FRMD4A: variants seen among roughly 807,000 people sequenced by gnomAD.
FRMD4A encodes FERM domain-containing protein 4A.
Under a neutral mutation model 129.1 loss-of-function variants are expected in FRMD4A, and 29 were observed. The observed-to-expected ratio is 0.22, with a 90% confidence interval of 0.17 to 0.31. The LOEUF (loss-of-function observed/expected upper bound fraction) is 0.31, where lower values mean the gene tolerates loss of function less well. Among genes scored for constraint, FRMD4A ranks in the 10% least tolerant of loss-of-function variants. FRMD4A has a pLI of 1.00. For missense variants in FRMD4A, 1,272 were observed against 1,375.8 expected (o/e 0.92, Z 1.19); for synonymous variants, 634 against 571.6 (o/e 1.11, Z -1.56).
chr10:14,077,735 T>C (rs191007242), intron 2 of FRMD4A, among the ~76,000 whole-genome samples: 3 of 152,186 alleles, frequency 2.0e-5, no homozygotes, highest in Non-Finnish European at 2.9e-5. Context: ...TAGAAGGAAA[T>C]CTGTTTGAAT....
intron 2 of FRMD4A, among the ~76,000 whole-genome samples, chr10:13,876,780 A>G (rs1214367972): frequency 6.6e-6 from 1 of 151,976 alleles, no homozygotes; most frequent in Non-Finnish European, 1.5e-5. Context: ...GACTGCCATA[A>G]TAGGCACACA....
At chr10:14,299,444 G>C (rs568638526) in intron 2 of FRMD4A, among the ~76,000 whole-genome samples, 2 of 152,236 alleles carry the variant, frequency 1.3e-5, no homozygotes, top group East Asian at 3.9e-4. Flanking sequence ...CTATAGCCTG[G>C]TACTTCACTT....
intron 2 of FRMD4A, among the ~76,000 whole-genome samples, chr10:14,069,933 A>T (rs1352531262): frequency 6.6e-6 from 1 of 152,112 alleles, no homozygotes; most frequent in Non-Finnish European, 1.5e-5. Context: ...AATATTAAGG[A>T]AGTATTATTA....
intron 24 of FRMD4A, 138 bp downstream of exon 24, chr10:13,651,765 C>CAGTTCCCCATGTATCTAGAAAT: frequency 1.6e-6 from 1 of 609,606 alleles, no homozygotes; most frequent in Non-Finnish European, 2.9e-6. Context: ...AACATAGTTC[C>CAGTTCCCCATGTATCTAGAAAT]AGTTCCCCAT....
At position 13,701,280 on chromosome 10, in the gene FRMD4A, A is replaced by G. The variant is rs540429711; in HGVS notation, c.975+60T>C. ...CGCCTCCCCCACCCATCCGATCCTC[A>G]TTCCTAAACTAAGAGAGGCAGACAA... On this transcript the variant is annotated intron_variant, in intron 14 of 24. Coordinates refer to ENST00000357447, the MANE Select transcript of FRMD4A (RefSeq NM_018027.5). The G allele has an allele frequency of 6.5e-6, 10 of 1,532,108 alleles. No individual in the cohort carries two copies. In the East Asian group the frequency reaches 6.8e-5, roughly 10 times the overall value. The allele number at this position is 1,532,108 out of a possible 1,614,324, so 94.9% of individuals were successfully genotyped here. A position where few individuals can be genotyped will look rare whatever the true frequency, so the allele number is the denominator to read the frequency against.
At position 14,098,822 on chromosome 10, in the gene FRMD4A, T is replaced by C. The variant is rs541931616; in HGVS notation, c.45+231236A>G. Among the ~76,000 whole-genome samples the C allele has an allele frequency of 2.0e-5, 3 of 152,340 alleles. No individual in the cohort carries two copies. In the East Asian group the frequency reaches 5.8e-4, roughly 29 times the overall value. Reference sequence around the variant, plus strand: ...AGGTCTGAGACCTTCGCTCACACCATGGACCCGACCTGTCCTGCTTTCCTG... The same window carrying C: ...AGGTCTGAGACCTTCGCTCACACCACGGACCCGACCTGTCCTGCTTTCCTG... On this transcript the variant is annotated intron_variant, in intron 2 of 24. Coordinates refer to ENST00000357447, the MANE Select transcript of FRMD4A (RefSeq NM_018027.5).
intron 2 of FRMD4A, among the ~76,000 whole-genome samples, chr10:13,916,731 C>T (rs958979002): frequency 3.9e-5 from 6 of 152,082 alleles, no homozygotes; most frequent in African/African-American, 1.2e-4. Flanking sequence ...TGTCTCATGC[C>T]GATCATGCTG....
chr10:14,045,160 G>T (rs915589202), intron 2 of FRMD4A, among the ~76,000 whole-genome samples: 2 of 152,144 alleles, frequency 1.3e-5, no homozygotes, highest in Admixed American at 6.6e-5. Flanking sequence ...AAACTGCTGG[G>T]ATTAGAAGAG....
At chr10:14,083,984 G>C (rs1320490595) in intron 2 of FRMD4A, among the ~76,000 whole-genome samples, 2 of 152,216 alleles carry the variant, frequency 1.3e-5, no homozygotes, top group Non-Finnish European at 2.9e-5. Flanking sequence ...GTTATACCAA[G>C]AGGAAAATAG....
Position 14,100,899 on chromosome 10 carries a change from A to G in FRMD4A, c.45+229159T>C, listed in dbSNP as rs115662889. ...AGTTTTGAGTGTTAGATACAGTTTT[A>G]ACTCTGTGTTAACTTTGTACAAGTC... is the stretch of plus-strand genomic sequence containing the variant. On this transcript the variant is annotated intron_variant, in intron 2 of 24. Transcript: ENST00000357447. 4.1e-3 allele frequency among the ~76,000 whole-genome samples: 617 copies of G among 152,278 alleles called. 1 individual carries two copies. Among genetic ancestry groups the G allele is most frequent in the African/African-American group, 0.014 (587 of 41,548 alleles).
chr10:14,025,575 T>C (rs1247875166), intron 2 of FRMD4A, among the ~76,000 whole-genome samples: 2 of 152,190 alleles, frequency 1.3e-5, no homozygotes, highest in African/African-American at 4.8e-5. Context: ...GATTATTGTC[T>C]AAGAAAAATT....
chr10:13,973,153 C>G (rs2095527337), intron 2 of FRMD4A, among the ~76,000 whole-genome samples: 2 of 152,178 alleles, frequency 1.3e-5, no homozygotes, highest in African/African-American at 4.8e-5. Context: ...AGGTCACTTA[C>G]TTAAAGTGGA....
chr10:14,237,576 C>T (rs1243081550), intron 2 of FRMD4A, among the ~76,000 whole-genome samples: 1 of 152,134 alleles, frequency 6.6e-6, no homozygotes, highest in Non-Finnish European at 1.5e-5. Flanking sequence ...ACTGATCCAC[C>T]CACCTTGGAC....
At chr10:13,880,634 G>T (rs1174864404) in intron 2 of FRMD4A, among the ~76,000 whole-genome samples, 1 of 151,992 alleles carries the variant, frequency 6.6e-6, no homozygotes, top group Non-Finnish European at 1.5e-5. Flanking sequence ...ACCTCTCCTG[G>T]GTGCAACCTC....
chr10:14,177,182 C>T (rs1380268623), intron 2 of FRMD4A, among the ~76,000 whole-genome samples: 1 of 152,000 alleles, frequency 6.6e-6, no homozygotes, highest in Middle Eastern at 3.2e-3. Context: ...ATCATGTACC[C>T]TTCTTTTTGT....
At chr10:13,952,256 G>C (rs1238612763) in intron 2 of FRMD4A, among the ~76,000 whole-genome samples, 2 of 151,918 alleles carry the variant, frequency 1.3e-5, no homozygotes, top group African/African-American at 4.8e-5. Flanking sequence ...TCAGCACTTG[G>C]GGAGGCTGAG....
chr10:14,090,770 G>A (rs1836615414), intron 2 of FRMD4A, among the ~76,000 whole-genome samples: 1 of 152,312 alleles, frequency 6.6e-6, no homozygotes, highest in African/African-American at 2.4e-5. Context: ...ATAAATTCAT[G>A]AGCTTCAGGT....
At chr10:13,723,036 G>GTTGGTTAGGTAGGTCCCTATT (rs2089585446) in intron 12 of FRMD4A, among the ~76,000 whole-genome samples, 3 of 152,132 alleles carry the variant, frequency 2.0e-5, no homozygotes, top group Admixed American at 2.0e-4. Flanking sequence ...AGGTCCCTAT[G>GTTGGTTAGGTAGGTCCCTATT]TTGGTTAGCT....
Position 14,232,063 on chromosome 10 carries a change from G to GT in FRMD4A, c.45+97994dup, listed in dbSNP as rs1410011353. ...TCTTCTATGATTTTTTTAGCTTTAG[G>GT]TTTTACTTTTAAGTCTTTAATCTAT... On this transcript the variant is annotated intron_variant, in intron 2 of 24. Transcript: ENST00000357447. 4.6e-5 allele frequency among the ~76,000 whole-genome samples: 7 copies of GT among 152,084 alleles called. No homozygotes were observed. In the East Asian group the frequency reaches 1.2e-3, roughly 25 times the overall value.
Sources: allele counts gnomAD v4.1 joint callset (sites outside exome capture counted in the v4.1 genomes callset), GRCh38; gene constraint gnomAD v4.1.1; transcripts MANE v1.5; gene names NCBI Gene and HGNC (gene_info 2026-07-23, HGNC 2026-07-21).